ZBTB20: variants seen among roughly 807,000 people sequenced by gnomAD.
ZBTB20 encodes zinc finger and BTB domain containing 20.
Under a neutral mutation model 56.9 loss-of-function variants are expected in ZBTB20, and 9 were observed. The ratio of observed to expected loss-of-function variants is 0.16; its 90% CI spans 0.10 to 0.28. The LOEUF (loss-of-function observed/expected upper bound fraction) is 0.28, where lower values mean the gene tolerates loss of function less well. Among genes scored for constraint, ZBTB20 ranks in the 10% least tolerant of loss-of-function variants. The pLI is 1.00. For missense variants in ZBTB20, 655 were observed against 1,003.0 expected, an observed-to-expected ratio of 0.65 and a Z score of 4.69; for synonymous variants, 417 against 420.7, an observed-to-expected ratio of 0.99 and a Z score of 0.11.
intron 4 of ZBTB20, among the ~76,000 whole-genome samples, chr3:114,847,918 C>T (rs1273951730): frequency 6.6e-6 from 1 of 152,170 alleles, no homozygotes. Context: ...AATCCAACAA[C>T]CCAAATACTT....
chr3:115,146,224 C>A (rs1027526345), intron 1 of ZBTB20, among the ~76,000 whole-genome samples: 4 of 152,174 alleles, frequency 2.6e-5, no homozygotes, highest in African/African-American at 9.7e-5. Context: ...GCGCTAGGTA[C>A]CGTAGCTGTA....
intron 1 of ZBTB20, among the ~76,000 whole-genome samples, chr3:115,105,747 C>T (rs2083700926): frequency 6.6e-6 from 1 of 152,074 alleles, no homozygotes; most frequent in African/African-American, 2.4e-5. Context: ...AAAATATTTC[C>T]TATTTTCTAT....
At chr3:114,879,943 G>A (rs1335607342) in intron 4 of ZBTB20, among the ~76,000 whole-genome samples, 2 of 152,018 alleles carry the variant, frequency 1.3e-5, no homozygotes, top group Non-Finnish European at 2.9e-5. Context: ...TGATATATAT[G>A]CTCAAAATCC....
Position 114,336,450 on chromosome 3 carries a change from T to C in ZBTB20, c.*2555A>G, listed in dbSNP as rs908339305. On this transcript the variant is annotated 3_prime_UTR_variant, in exon 12 of 12. Transcript: ENST00000675478. ...CAGATCAGTTTTGGACATACAGTTC[T>C]TGGCAGGACTCCTCTTAGAAATCAC... 1.3e-5 allele frequency: 2 copies of C among 152,218 alleles called. No homozygotes were observed. Among genetic ancestry groups the C allele is most frequent in the African/African-American group, 2.4e-5 (1 of 41,458 alleles). 9.4% of individuals were successfully genotyped at this position (152,218 alleles called of 1,614,324 possible).
intron 4 of ZBTB20, among the ~76,000 whole-genome samples, chr3:114,846,276 G>A (rs943186266): frequency 6.6e-6 from 1 of 152,190 alleles, no homozygotes. Flanking sequence ...CCTCCTCAGA[G>A]AGCTTGCTCC....
chr3:114,834,573 T>C (rs1230668519), intron 4 of ZBTB20, among the ~76,000 whole-genome samples: 1 of 152,222 alleles, frequency 6.6e-6, no homozygotes, highest in Non-Finnish European at 1.5e-5. Context: ...GCTTTGGTGC[T>C]AAAATATTTT....
At chr3:114,773,778 C>T (rs2069387064) in intron 5 of ZBTB20, among the ~76,000 whole-genome samples, 1 of 152,142 alleles carries the variant, frequency 6.6e-6, no homozygotes, top group Non-Finnish European at 1.5e-5. Context: ...ACCCAAAATT[C>T]ACAGATCACA....
chr3:114,839,825 C>T (rs2074307484), intron 4 of ZBTB20, among the ~76,000 whole-genome samples: 1 of 152,166 alleles, frequency 6.6e-6, no homozygotes, highest in South Asian at 2.1e-4. Flanking sequence ...AGCCACAAGC[C>T]AAGGAACCTC....
chr3:114,986,165 TG>T (rs532724357), intron 2 of ZBTB20, among the ~76,000 whole-genome samples: 10 of 152,040 alleles, frequency 6.6e-5, no homozygotes, highest in African/African-American at 2.2e-4. Context: ...TATATGTGTA[TG>T]GGGGGGTTGG....
intron 5 of ZBTB20, among the ~76,000 whole-genome samples, chr3:114,720,437 A>G (rs1402197563): frequency 5.3e-5 from 8 of 152,078 alleles, no homozygotes; most frequent in Non-Finnish European, 7.4e-5. Flanking sequence ...TTACTCTACC[A>G]TTGACGTAAC....
chr3:114,387,195 C>T (rs1472282117), intron 8 of ZBTB20: 4 of 152,202 alleles, frequency 2.6e-5, no homozygotes, highest in African/African-American at 2.4e-5. Context: ...ATATGTGCCT[C>T]CCCAACCCAC....
At chr3:114,859,769 G>T (rs1368495840) in intron 4 of ZBTB20, among the ~76,000 whole-genome samples, 1 of 151,978 alleles carries the variant, frequency 6.6e-6, no homozygotes, top group East Asian at 1.9e-4. Context: ...CAGAGCAAAC[G>T]ACAGTACAGT....
At chr3:115,023,506 C>G (rs2080290000) in intron 2 of ZBTB20, among the ~76,000 whole-genome samples, 1 of 150,810 alleles carries the variant, frequency 6.6e-6, no homozygotes, top group South Asian at 2.1e-4. Context: ...CTTTCCCTGT[C>G]TCTGCTATCC....
At chr3:114,666,650 G>A (rs961896163) in intron 6 of ZBTB20, among the ~76,000 whole-genome samples, 1 of 151,930 alleles carries the variant, frequency 6.6e-6, no homozygotes, top group Non-Finnish European at 1.5e-5. Flanking sequence ...GCTAGGGATT[G>A]GTAAGTTGCT....
intron 2 of ZBTB20, among the ~76,000 whole-genome samples, chr3:114,987,058 T>C (rs1417781000): frequency 1.3e-5 from 2 of 152,148 alleles, no homozygotes; most frequent in Non-Finnish European, 2.9e-5. Flanking sequence ...CTATAAAATC[T>C]AAATGTAAAG....
At chr3:114,565,833 A>C (rs542326261) in intron 6 of ZBTB20, among the ~76,000 whole-genome samples, 1 of 152,224 alleles carries the variant, frequency 6.6e-6, no homozygotes, top group East Asian at 1.9e-4. Flanking sequence ...TCTCATATCC[A>C]GTACTGCTCA....
chr3:114,587,490 C>T (rs1315349601), intron 6 of ZBTB20, among the ~76,000 whole-genome samples: 1 of 152,130 alleles, frequency 6.6e-6, no homozygotes, highest in East Asian at 1.9e-4. Flanking sequence ...TAATAGTACT[C>T]ATTGAATAAA....
chr3:114,597,722 T>G (rs2056435035), intron 6 of ZBTB20, among the ~76,000 whole-genome samples: 1 of 152,136 alleles, frequency 6.6e-6, no homozygotes. Flanking sequence ...ACAAAAAGCC[T>G]TGGTGTAAGT....
intron 3 of ZBTB20, among the ~76,000 whole-genome samples, chr3:114,936,627 A>AAC (rs1254653271): frequency 6.6e-6 from 1 of 152,236 alleles, no homozygotes; most frequent in Non-Finnish European, 1.5e-5. Context: ...ATAAATGGAA[A>AAC]ACAAAGCATG....
Sources: allele counts gnomAD v4.1 joint callset (sites outside exome capture counted in the v4.1 genomes callset), GRCh38; gene constraint gnomAD v4.1.1; transcripts MANE v1.5; gene names NCBI Gene and HGNC (gene_info 2026-07-23, HGNC 2026-07-21).